Variants in RALYL observed in about 807,000 individuals in gnomAD.
RALYL encodes RNA-binding Raly-like protein.
Under a neutral mutation model 35.1 loss-of-function variants are expected in RALYL, and 29 were observed. The ratio of observed to expected loss-of-function variants is 0.83; its 90% confidence interval spans 0.61 to 1.13. The LOEUF (loss-of-function observed/expected upper bound fraction) is 1.13. Among genes scored for constraint, RALYL ranks in the 50% most tolerant of loss-of-function variants. RALYL has a pLI of 0.00. For synonymous variants in RALYL, 120 were observed against 127.6 expected (o/e 0.94, Z 0.40); for missense variants, 359 against 360.4 (o/e 1.00, Z 0.03).
At chr8:84,202,951 C>T (rs1383496894) in intron 1 of RALYL, among the ~76,000 whole-genome samples, 1 of 152,076 alleles carries the variant, frequency 6.6e-6, no homozygotes, top group Non-Finnish European at 1.5e-5. Context: ...GTGAAAATTG[C>T]TTGAAACCCA....
At chr8:84,604,284 G>A (rs748238831) in intron 2 of RALYL, among the ~76,000 whole-genome samples, 14 of 152,018 alleles carry the variant, frequency 9.2e-5, no homozygotes, top group Admixed American at 9.2e-4. Context: ...GTAACATGTG[G>A]CTTATTGTTA....
Position 84,399,208 on chromosome 8 carries a change from T to G in RALYL, c.-23-130091T>G, listed in dbSNP as rs1184363676. Among the ~76,000 whole-genome samples, 9 of 152,314 alleles carry G rather than the reference T, an allele frequency of 5.9e-5. No homozygotes were observed. In the East Asian group the frequency reaches 1.7e-3, roughly 29 times the overall value. On this transcript the variant is annotated intron_variant, in intron 1 of 8. Transcript: ENST00000521268. Reference sequence around the variant, plus strand: ...TTACTAAAGAATAATAAAAAACATTTATTAATTGCTATATGATAGAACATG... The same window carrying G: ...TTACTAAAGAATAATAAAAAACATTGATTAATTGCTATATGATAGAACATG...
chr8:84,438,968 C>T (rs373667998), intron 1 of RALYL, among the ~76,000 whole-genome samples: 7 of 151,610 alleles, frequency 4.6e-5, no homozygotes, highest in African/African-American at 9.7e-5. Context: ...TCAGTACCAA[C>T]GTAGGCCTTG....
chr8:84,872,504 C>A (rs983869115), intron 6 of RALYL: 7 of 152,128 alleles, frequency 4.6e-5, no homozygotes, highest in African/African-American at 1.2e-4. Context: ...AAAATAATTA[C>A]TGTAGTCAAT....
At position 84,183,981 on chromosome 8, in the gene RALYL, G is replaced by T. The variant is rs1335775008; in HGVS notation, c.-467G>T. 6.6e-6 allele frequency: 1 copy of T among 152,084 alleles called. No homozygotes were observed. Among genetic ancestry groups the T allele is most frequent in the East Asian group, 1.9e-4 (1 of 5,190 alleles). 9.4% of individuals were successfully genotyped at this position (152,084 alleles called of 1,614,324 possible). Reference sequence around the variant, plus strand: ...ATTTTTGTATAGGTGGGATTTTACGGCAGTGTTTACAAGTTTGTGGTCTTG... The same window carrying T: ...ATTTTTGTATAGGTGGGATTTTACGTCAGTGTTTACAAGTTTGTGGTCTTG... On this transcript the variant is annotated 5_prime_UTR_variant, in exon 1 of 9. Transcript: ENST00000521268.
intron 2 of RALYL, among the ~76,000 whole-genome samples, chr8:84,770,008 A>C (rs2634066): frequency 0.33 from 50,260 of 151,858 alleles, 10,050 homozygotes; most frequent in African/African-American, 0.56. Flanking sequence ...TTAGAGGTAA[A>C]CTTCATCCTG....
chr8:84,849,507 T>C (rs962658324), intron 4 of RALYL, among the ~76,000 whole-genome samples: 3 of 152,064 alleles, frequency 2.0e-5, no homozygotes, highest in Non-Finnish European at 4.4e-5. Flanking sequence ...TTATCTTGTC[T>C]GAGATGAAAA....
At chr8:84,835,058 T>G (rs1040716161) in intron 4 of RALYL, among the ~76,000 whole-genome samples, 8 of 152,182 alleles carry the variant, frequency 5.3e-5, no homozygotes, top group African/African-American at 1.9e-4. Context: ...TCTACAGGAT[T>G]TTGACATGAG....
intron 1 of RALYL, among the ~76,000 whole-genome samples, chr8:84,509,441 C>T (rs907127537): frequency 2.6e-5 from 4 of 152,104 alleles, no homozygotes; most frequent in Non-Finnish European, 5.9e-5. Context: ...CAGACTTTTG[C>T]GAACATTTTA....
At chr8:84,462,985 A>G (rs1281889470) in intron 1 of RALYL, among the ~76,000 whole-genome samples, 1 of 151,906 alleles carries the variant, frequency 6.6e-6, no homozygotes, top group South Asian at 2.1e-4. Context: ...AACAGATATT[A>G]GTCCAAGAAA....
At chr8:84,884,914 G>T (rs548829261) in intron 7 of RALYL, among the ~76,000 whole-genome samples, 7 of 152,092 alleles carry the variant, frequency 4.6e-5, no homozygotes, top group Non-Finnish European at 8.8e-5. Flanking sequence ...GAGCGGTTTA[G>T]ATGATGTGTA....
chr8:84,280,432 C>T (rs538940825), intron 1 of RALYL, among the ~76,000 whole-genome samples: 78 of 151,982 alleles, frequency 5.1e-4, no homozygotes, highest in Middle Eastern at 3.4e-3. Context: ...TTTCCTAAAA[C>T]GACTAAATAA....
intron 6 of RALYL, among the ~76,000 whole-genome samples, chr8:84,867,364 C>T (rs1279124277): frequency 6.6e-6 from 1 of 150,708 alleles, no homozygotes; most frequent in Non-Finnish European, 1.5e-5. Context: ...CAAATTCATT[C>T]AAGTTAATTA....
At chr8:84,408,967 T>A (rs1011005785) in intron 1 of RALYL, among the ~76,000 whole-genome samples, 2 of 152,142 alleles carry the variant, frequency 1.3e-5, no homozygotes, top group African/African-American at 4.8e-5. Context: ...GTATCACCCT[T>A]AAATGCTTAG....
At chr8:84,696,748 A>G (rs1839226579) in intron 2 of RALYL, among the ~76,000 whole-genome samples, 1 of 152,034 alleles carries the variant, frequency 6.6e-6, no homozygotes, top group African/African-American at 2.4e-5. Context: ...AACGGTTTTT[A>G]TAATGGTAAG....
At chr8:84,366,761 C>A (rs1854367021) in intron 1 of RALYL, among the ~76,000 whole-genome samples, 1 of 22,786 alleles carries the variant, frequency 4.4e-5, no homozygotes. Context: ...AGATTTTTGT[C>A]TCAAAAAAAA....
At chr8:84,399,767 G>C (rs532931035) in intron 1 of RALYL, among the ~76,000 whole-genome samples, 171 of 152,262 alleles carry the variant, frequency 1.1e-3, no homozygotes, top group Admixed American at 2.7e-3. Context: ...CATTAGCCCA[G>C]TCATGTAGTT....
At chr8:84,337,408 A>G (rs1196357397) in intron 1 of RALYL, among the ~76,000 whole-genome samples, 2 of 151,872 alleles carry the variant, frequency 1.3e-5, no homozygotes, top group Admixed American at 1.3e-4. Flanking sequence ...TCTTTAAAGG[A>G]ACACTTAATT....
intron 1 of RALYL, among the ~76,000 whole-genome samples, chr8:84,479,972 A>G (rs898957957): frequency 3.3e-5 from 5 of 152,162 alleles, no homozygotes; most frequent in Non-Finnish European, 7.4e-5. Flanking sequence ...TGGAGTTTAA[A>G]GCTGATTTGA....
Sources: allele counts gnomAD v4.1 joint callset (sites outside exome capture counted in the v4.1 genomes callset), GRCh38; gene constraint gnomAD v4.1.1; transcripts MANE v1.5; gene names NCBI Gene and HGNC (gene_info 2026-07-23, HGNC 2026-07-21).